The following C4orf50 variants were observed in gnomAD, a reference collection of about 807,000 sequenced individuals.
C4orf50 encodes the protein chromosome 4 open reading frame 50, also known as uncharacterized protein C4orf50.
Under a neutral mutation model 77.2 loss-of-function variants are expected in C4orf50, and 80 were observed. The observed-to-expected ratio is 1.04, with a 90% CI of 0.87 to 1.25. The LOEUF is 1.25. C4orf50 is among the 50% of genes most tolerant of loss of function. C4orf50 has a pLI of 0.00. For synonymous variants in C4orf50, 532 were observed against 465.3 expected (o/e 1.14, Z -1.84); for missense variants, 1,257 against 1,152.9 (o/e 1.09, Z -1.31).
intron 7 of C4orf50, chr4:5,904,141 T>A (rs1716448486): frequency 6.6e-6 from 1 of 152,248 alleles, no homozygotes; most frequent in Non-Finnish European, 1.5e-5. Flanking sequence ...TCACTGACGT[T>A]TCCCCGCTCA....
chr4:6,008,363 C>G lies in C4orf50; in HGVS notation c.596G>C (p.Arg199Pro), dbSNP rs1347920108. The G allele has an allele frequency of 2.6e-6, 1 of 391,826 alleles. No individual in the cohort carries two copies. The highest frequency in any genetic ancestry group is 4.5e-6 in the Non-Finnish European group (1 of 221,848). The allele number at this position is 391,826 out of a possible 1,614,324, so 24.3% of individuals were successfully genotyped here. ...GCGCTCCAGCCGCTGCACCTGCTCC[C>G]GCAGGACGCGCTCCTGCTCCCGCAC... Residue 199 changes from arginine (R) to proline (P), a missense_variant, in exon 25 of 34, where the codon CGG becomes CCG. Physicochemically the swap from Arg to Pro is moderately radical, Grantham distance 103. Coordinates refer to ENST00000531445, the Ensembl canonical transcript of C4orf50. This position sits in a 1 kb window ranked among gnomAD's most constrained non-coding sequence, Gnocchi z 6.0.
At chr4:5,914,240 T>A (rs1237568343) in intron 7 of C4orf50, among the ~76,000 whole-genome samples, 1 of 140,308 alleles carries the variant, frequency 7.1e-6, no homozygotes, top group African/African-American at 2.7e-5. Context: ...AGTCTCGCTC[T>A]GTCGCCCAGG....
intron 31 of C4orf50, among the ~76,000 whole-genome samples, chr4:5,972,642 T>G (rs533406505): frequency 6.6e-6 from 1 of 152,328 alleles, no homozygotes; most frequent in Non-Finnish European, 1.5e-5. Flanking sequence ...GAGACCAGGC[T>G]GGGCAGAGCT....
Position 5,938,238 on chromosome 4 carries a change from G to C in C4orf50, c.*2474+18663C>G, listed in dbSNP as rs536197191. ...TATATGAACCATATTCTCTGGTTAC[G>C]ATGGAATTAAAACATAAATAATAAG... On this transcript the variant is annotated intron_variant, in intron 7 of 7. Transcript: ENST00000324058. 2.6e-5 allele frequency among the ~76,000 whole-genome samples: 4 copies of C among 152,290 alleles called. No homozygotes were observed. In the East Asian group the frequency reaches 7.7e-4, roughly 29 times the overall value.
intron 7 of C4orf50, among the ~76,000 whole-genome samples, chr4:5,931,918 G>A (rs1043697010): frequency 5.3e-5 from 8 of 152,118 alleles, no homozygotes; most frequent in Non-Finnish European, 7.3e-5. Context: ...AGGGGAAGCC[G>A]AGGCTGGAAA....
chr4:5,909,880 C>T (rs192940511), intron 7 of C4orf50, among the ~76,000 whole-genome samples: 13 of 152,222 alleles, frequency 8.5e-5, no homozygotes, highest in African/African-American at 3.1e-4. Context: ...TGTTTTTGTA[C>T]CAGTACATAC....
At chr4:5,963,365 G>C (rs1050253553) in intron 33 of C4orf50, among the ~76,000 whole-genome samples, 1 of 151,866 alleles carries the variant, frequency 6.6e-6, no homozygotes, top group Non-Finnish European at 1.5e-5. Context: ...ATTATCCTAG[G>C]AATGATCAAA....
At chr4:5,921,578 G>A (rs1026476874) in intron 7 of C4orf50, among the ~76,000 whole-genome samples, 2 of 152,134 alleles carry the variant, frequency 1.3e-5, no homozygotes, top group Non-Finnish European at 1.5e-5. Flanking sequence ...TGTGGGGAAA[G>A]CTTCCAGGGA....
At chr4:5,941,658 A>T (rs540988775) in intron 7 of C4orf50, among the ~76,000 whole-genome samples, 1 of 152,294 alleles carries the variant, frequency 6.6e-6, no homozygotes, top group East Asian at 1.9e-4. Flanking sequence ...TGCTCTTAAG[A>T]GTCTAAACTC....
intron 7 of C4orf50, among the ~76,000 whole-genome samples, chr4:5,948,204 G>A (rs915633702): frequency 1.3e-5 from 2 of 152,202 alleles, no homozygotes; most frequent in African/African-American, 4.8e-5. Flanking sequence ...TTGCAGGTGC[G>A]AAAATTCAAT....
Position 5,981,812 on chromosome 4 carries a change from C to T in C4orf50, c.3700-1474G>A, listed in dbSNP as rs1049992378. ...AGATTTAGGAGCCCAGAAACTCAAA[C>T]GCTTCTCAAACTCCCTTCCCCTTGT... On this transcript the variant is annotated intron_variant, in intron 28 of 33. Transcript: ENST00000531445. Among the ~76,000 whole-genome samples, 4 of 147,316 alleles carry T rather than the reference C, an allele frequency of 2.7e-5. No individual in the cohort carries two copies. The East Asian group carries it at 6.0e-4, about 22-fold the overall frequency.
intron 7 of C4orf50, among the ~76,000 whole-genome samples, chr4:5,926,914 G>T (rs1039038718): frequency 6.6e-6 from 1 of 152,126 alleles, no homozygotes; most frequent in South Asian, 2.1e-4. Flanking sequence ...CATATTTTAT[G>T]ACTGCTTTCC....
In C4orf50 at chr4:5,946,862, G is replaced by T. The variant is rs570873166; in HGVS notation, c.*2474+10039C>A. On this transcript the variant is annotated intron_variant, in intron 7 of 7. Coordinates refer to the C4orf50 transcript ENST00000324058. The stretch of plus-strand genomic sequence containing the variant: ...GAGCACCCTTTCTGCAGAAAGTAAA[G>T]ATTGCCTTGCTGAGAGAATTAAATT... Among the ~76,000 whole-genome samples, 27 of 152,350 alleles carry T rather than the reference G, an allele frequency of 1.8e-4. No homozygotes were observed. The East Asian group carries it at 5.2e-3, about 29-fold the overall frequency.
At position 5,916,787 on chromosome 4, in the gene C4orf50, C is replaced by A. The variant is rs1241138917; in HGVS notation, c.*2475-18599G>T. Among the ~76,000 whole-genome samples the A allele has an allele frequency of 1.3e-5, 2 of 151,994 alleles. No individual in the cohort carries two copies. The highest frequency in any genetic ancestry group is 4.8e-5 in the African/African-American group (2 of 41,400). ...GCACTTCTGTGAAGAGCACAGAAGG[C>A]CTCGCAGATCTTCTGCTTAGAGGAC... On this transcript the variant is annotated intron_variant, in intron 7 of 7. Coordinates refer to the C4orf50 transcript ENST00000324058. The surrounding 1 kb of genome is among the most constrained non-coding windows in gnomAD (Gnocchi z 4.4).
chr4:5,976,022 G>T, intron 29 of C4orf50, 67 bp from the exon 8 acceptor site: 7 of 1,337,398 alleles, frequency 5.2e-6, no homozygotes, highest in South Asian at 1.2e-5. Context: ...GCTTCCCCAG[G>T]CAAGCTGGGC....
rs1235823572 is a variant in C4orf50 at position 5,919,152 on chromosome 4, G to A, written c.*2475-20964C>T. On this transcript the variant is annotated intron_variant, in intron 7 of 7. Transcript: ENST00000324058. This position sits in a 1 kb window ranked among gnomAD's most constrained non-coding sequence, Gnocchi z 6.5. ...TAGCGGGGAATGCTGGGGTGTGGGG[G>A]CAACGTCAGATCGCAGGACTCCTCT... is the stretch of plus-strand genomic sequence containing the variant. 1.3e-5 allele frequency among the ~76,000 whole-genome samples: 2 copies of A among 152,172 alleles called. No individual in the cohort carries two copies. Among genetic ancestry groups the A allele is most frequent in the South Asian group, 2.1e-4 (1 of 4,828 alleles).
At chr4:5,899,564 T>C (rs4456913) in intron 7 of C4orf50, 58,814 of 152,218 alleles carry the variant, frequency 0.39, 14,211 homozygotes, top group East Asian at 0.76. Flanking sequence ...TCTCCAGAGA[T>C]GAGAAGTTTC....
chr4:5,954,528 G>T (rs755312078), downstream of C4orf50, among the ~76,000 whole-genome samples: 1 of 152,124 alleles, frequency 6.6e-6, no homozygotes, highest in Non-Finnish European at 1.5e-5. The surrounding 1 kb of genome is among the most constrained non-coding windows in gnomAD (Gnocchi z 4.7). Flanking sequence ...CTGGGAGGAT[G>T]GGGGAGGGGG....
intron 30 of C4orf50, 82 bp from the exon 9 acceptor site, chr4:5,973,923 G>T: frequency 3.5e-6 from 4 of 1,150,292 alleles, no homozygotes; most frequent in Non-Finnish European, 3.7e-6. Flanking sequence ...CGGAGGGTCA[G>T]CTGAGGCCCC....
Sources: gnomAD v4.1 joint callset for allele counts (sites outside exome capture counted in the v4.1 genomes callset) on GRCh38, gnomAD v4.1.1 for gene constraint, Gnocchi (gnomAD v3.1) non-coding constraint, MANE v1.5 for transcripts, NCBI Gene and HGNC (gene_info 2026-07-23, HGNC 2026-07-21) for gene names.